Variants in PCDH15 observed in about 807,000 individuals in gnomAD.
The protein encoded by PCDH15 is protocadherin related 15, also known as protocadherin-15.
In PCDH15, 129 loss-of-function variants were observed where a neutral mutation model predicts 178.5. That is an observed-to-expected ratio of 0.72 (90% CI 0.63 to 0.84). The LOEUF (loss-of-function observed/expected upper bound fraction) is 0.84. PCDH15 is among the 40% of genes least tolerant of loss of function. The pLI is 0.00. For synonymous variants in PCDH15, 800 were observed against 732.0 expected, an observed-to-expected ratio of 1.09 and a Z score of -1.50; for missense variants, 2,230 against 2,099.9, an observed-to-expected ratio of 1.06 and a Z score of -1.21.
At position 54,132,629 on chromosome 10, in the gene PCDH15, T is replaced by G. The variant is rs4272709; in HGVS notation, c.1917+246A>C. Among the ~76,000 whole-genome samples, 42,791 of 152,114 alleles carry G rather than the reference T, an allele frequency of 0.28. 7,035 individuals carry two copies. The highest frequency in any genetic ancestry group is 0.88 in the East Asian group (4,520 of 5,164). ...ATCCCTTCATTCTCTCCTGTAATGA[T>G]TGCAGCTAATCCCTGCCTGCCAAAC... On this transcript the variant is annotated intron_variant, in intron 15 of 37. Coordinates refer to ENST00000644397, the MANE Select transcript of PCDH15 (RefSeq NM_001384140.1).
At chr10:55,602,547 A>T (rs183342153) in intron 2 of PCDH15, among the ~76,000 whole-genome samples, 8 of 152,090 alleles carry the variant, frequency 5.3e-5, no homozygotes, top group Non-Finnish European at 1.5e-5. Flanking sequence ...ATCTGAGAAC[A>T]GGCAGACTGC....
At chr10:55,592,282 A>C (rs1842858126) in intron 2 of PCDH15, among the ~76,000 whole-genome samples, 1 of 152,130 alleles carries the variant, frequency 6.6e-6, no homozygotes, top group South Asian at 2.1e-4. Context: ...AGTGGGGTTC[A>C]GCCAATAAAA....
chr10:55,514,907 G>A (rs1007124165), intron 2 of PCDH15, among the ~76,000 whole-genome samples: 1 of 151,686 alleles, frequency 6.6e-6, no homozygotes, highest in African/African-American at 2.4e-5. Flanking sequence ...CAATAGGACT[G>A]ACAGGCAGGA....
At chr10:55,410,748 G>A (rs754818974) in intron 2 of PCDH15, among the ~76,000 whole-genome samples, 5 of 152,052 alleles carry the variant, frequency 3.3e-5, no homozygotes, top group Admixed American at 6.6e-5. Flanking sequence ...GAAAACAACT[G>A]CTGCTCAGTA....
intron 23 of PCDH15, among the ~76,000 whole-genome samples, chr10:53,946,012 C>A (rs920473536): frequency 4.0e-5 from 6 of 151,132 alleles, no homozygotes; most frequent in Admixed American, 6.6e-5. Flanking sequence ...AAAAATGGAC[C>A]AAGGAGCAGA....
chr10:54,340,630 G>A (rs1049823500), intron 6 of PCDH15, among the ~76,000 whole-genome samples: 2 of 152,114 alleles, frequency 1.3e-5, no homozygotes, highest in African/African-American at 2.4e-5. Context: ...AAAAGTTTTA[G>A]AGCAGGAATG....
At chr10:54,285,961 T>A (rs1252995187) in intron 8 of PCDH15, among the ~76,000 whole-genome samples, 8 of 152,066 alleles carry the variant, frequency 5.3e-5, no homozygotes, top group African/African-American at 1.9e-4. Flanking sequence ...GAAAGACAAA[T>A]ACCACTTGAT....
intron 26 of PCDH15, among the ~76,000 whole-genome samples, chr10:53,894,528 T>TG (rs2081815842): frequency 6.6e-6 from 1 of 152,204 alleles, no homozygotes; most frequent in Non-Finnish European, 1.5e-5. Context: ...TACTTCAGGC[T>TG]GGTTCTTGTT....
chr10:55,506,861 T>C (rs753498400), intron 2 of PCDH15, among the ~76,000 whole-genome samples: 17 of 151,534 alleles, frequency 1.1e-4, no homozygotes, highest in Non-Finnish European at 2.4e-4. Flanking sequence ...TTATTTTGCA[T>C]AGTAACAAGC....
intron 3 of PCDH15, among the ~76,000 whole-genome samples, chr10:54,812,635 T>A (rs903075465): frequency 7.2e-5 from 11 of 152,026 alleles, no homozygotes; most frequent in South Asian, 2.1e-4. Flanking sequence ...ATTTTTATAT[T>A]TTTAGTAGAG....
intron 2 of PCDH15, among the ~76,000 whole-genome samples, chr10:55,422,795 T>A (rs919868343): frequency 1.3e-5 from 2 of 151,870 alleles, no homozygotes; most frequent in African/African-American, 4.8e-5. Context: ...GCATATAATG[T>A]GTTCCAATAC....
intron 1 of PCDH15, among the ~76,000 whole-genome samples, chr10:54,666,297 G>A (rs1286807977): frequency 2.0e-5 from 3 of 152,064 alleles, no homozygotes; most frequent in Admixed American, 2.0e-4. Flanking sequence ...GTGGAGGAAA[G>A]GTCAGGCTCA....
intron 8 of PCDH15, among the ~76,000 whole-genome samples, chr10:54,244,202 A>T (rs557526505): frequency 7.9e-5 from 12 of 152,304 alleles, no homozygotes; most frequent in African/African-American, 2.9e-4. Flanking sequence ...AAGTATGTGT[A>T]AATTTACCTT....
intron 3 of PCDH15, among the ~76,000 whole-genome samples, chr10:54,881,859 T>C (rs1332825813): frequency 7.9e-5 from 12 of 152,168 alleles, no homozygotes; most frequent in African/African-American, 2.9e-4. Flanking sequence ...ATAAGTGTTT[T>C]CTCAAAAGTG....
chr10:55,505,366 A>G (rs146396893), intron 2 of PCDH15, among the ~76,000 whole-genome samples: 111 of 151,496 alleles, frequency 7.3e-4, no homozygotes, highest in African/African-American at 2.5e-3. Flanking sequence ...GAAAATAAAG[A>G]TATTGGGAGA....
At chr10:54,662,896 A>G (rs2094512626) in intron 2 of PCDH15, among the ~76,000 whole-genome samples, 1 of 151,984 alleles carries the variant, frequency 6.6e-6, no homozygotes, top group Admixed American at 6.6e-5. Flanking sequence ...TTTCCTTCAA[A>G]ATAGCAGTTA....
chr10:55,040,061 T>C (rs2131975835), intron 2 of PCDH15, among the ~76,000 whole-genome samples: 1 of 152,092 alleles, frequency 6.6e-6, no homozygotes, highest in Non-Finnish European at 1.5e-5. Context: ...AAAAAATATA[T>C]TAAATTATAA....
chr10:55,322,762 A>G (rs1329425720), upstream of PCDH15, among the ~76,000 whole-genome samples: 1 of 149,948 alleles, frequency 6.7e-6, no homozygotes, highest in East Asian at 2.0e-4. Flanking sequence ...AGCATAAAGA[A>G]TTGGAAAATT....
At chr10:55,008,871 C>T (rs1247047224) in intron 2 of PCDH15, among the ~76,000 whole-genome samples, 2 of 142,244 alleles carry the variant, frequency 1.4e-5, no homozygotes, top group Admixed American at 7.6e-5. Flanking sequence ...GCTGCCCATT[C>T]CTTGATCTTG....
Sources: gnomAD v4.1 joint callset for allele counts (sites outside exome capture counted in the v4.1 genomes callset) on GRCh38, gnomAD v4.1.1 for gene constraint, MANE v1.5 for transcripts, NCBI Gene and HGNC (gene_info 2026-07-23, HGNC 2026-07-21) for gene names.